Variants in PKN2 observed in about 807,000 individuals in gnomAD.
The protein encoded by PKN2 is serine/threonine-protein kinase N2.
Under a neutral mutation model 119.1 loss-of-function variants are expected in PKN2, and 38 were observed. The observed-to-expected ratio is 0.32, with a 90% CI of 0.25 to 0.42. The LOEUF is 0.42. Ranked by LOEUF, PKN2 falls within the 10% of genes least tolerant of loss-of-function variation. The probability of loss-of-function intolerance (pLI) is 1.00; values close to 1 mark genes in which losing one functional copy is unlikely to be tolerated. For synonymous variants in PKN2, 390 were observed against 384.9 expected (o/e 1.01, Z -0.15); for missense variants, 850 against 1,165.1 (o/e 0.73, Z 3.94).
At chr1:88,734,579 T>G (rs1049249579) in intron 1 of PKN2, among the ~76,000 whole-genome samples, 1 of 152,212 alleles carries the variant, frequency 6.6e-6, no homozygotes, top group African/African-American at 2.4e-5. Flanking sequence ...AGTAGCATGC[T>G]ATTTTGATTA....
intron 2 of PKN2, among the ~76,000 whole-genome samples, chr1:88,743,312 C>T (rs919022161): frequency 1.3e-5 from 2 of 152,200 alleles, no homozygotes; most frequent in Admixed American, 1.3e-4. Context: ...TACAATCGAT[C>T]TAGAACATTT....
chr1:88,775,671 CT>C (rs969606905), intron 6 of PKN2, among the ~76,000 whole-genome samples: 2 of 152,146 alleles, frequency 1.3e-5, no homozygotes, highest in African/African-American at 4.8e-5. Context: ...ACAAAAAACT[CT>C]TTGACTGTGC....
intron 12 of PKN2, chr1:88,806,356 G>T (rs1444730029): frequency 1.5e-5 from 4 of 273,720 alleles, no homozygotes; most frequent in Non-Finnish European, 2.8e-5. Context: ...TTTCAGTAGA[G>T]ATGGGATTTC....
In PKN2 at chr1:88,833,927, G is replaced by C. The variant is rs1226322050; in HGVS notation, c.*479G>C. The C allele has an allele frequency of 6.6e-6, 1 of 151,192 alleles. No individual in the cohort carries two copies. Among genetic ancestry groups the C allele is most frequent in the African/African-American group, 2.5e-5 (1 of 40,796 alleles). 9.4% of individuals were successfully genotyped at this position (151,192 alleles called of 1,614,324 possible). A position where few individuals can be genotyped will look rare whatever the true frequency, so the allele number is the denominator to read the frequency against. On this transcript the variant is annotated 3_prime_UTR_variant, in exon 22 of 22. Transcript: ENST00000370521. The stretch of plus-strand genomic sequence containing the variant: ...AAATGCTCCTTTTTTTAAAAAAAAA[G>C]ACATTACTGTAATATCAAAAACCGT...
chr1:88,778,157 A>G (rs1670182441), intron 6 of PKN2, among the ~76,000 whole-genome samples: 1 of 152,198 alleles, frequency 6.6e-6, no homozygotes. Context: ...CCTAAAATGT[A>G]CAAAACCAAG....
At chr1:88,791,252 A>G (rs1670824175) in intron 8 of PKN2, among the ~76,000 whole-genome samples, 1 of 152,162 alleles carries the variant, frequency 6.6e-6, no homozygotes, top group Non-Finnish European at 1.5e-5. Context: ...CCTGACCAAC[A>G]TGATGAAACC....
Position 88,771,407 on chromosome 1 carries a change from T to G in PKN2, c.623-14T>G. 6.4e-7 allele frequency: 1 copy of G among 1,569,744 alleles called. No individual in the cohort carries two copies. The highest frequency in any genetic ancestry group is 8.6e-7 in the Non-Finnish European group (1 of 1,165,796). On this transcript the variant is annotated splice_polypyrimidine_tract_variant and intron_variant, in intron 4 of 21. Transcript: ENST00000370521. ...AGATAAATGGTGCAATTAAAATTTT[T>G]TTTTCCTTTCTAGCAAAACCTGTGA...
intron 6 of PKN2, among the ~76,000 whole-genome samples, chr1:88,774,972 G>A (rs1215073146): frequency 6.6e-6 from 1 of 152,166 alleles, no homozygotes; most frequent in Non-Finnish European, 1.5e-5. Context: ...GACTTCCAAA[G>A]TGTTGGGATT....
rs533984152 is a variant in PKN2, at chr1:88,732,658, A to G, written c.49-8330A>G. Among the ~76,000 whole-genome samples the G allele has an allele frequency of 4.7e-4, 72 of 152,316 alleles. No homozygotes were observed. In the South Asian group the frequency reaches 7.0e-3, roughly 15 times the overall value. ...TTAAAATTATTGAATTGACCATTCT[A>G]TATAACAAAAATTTCTAATTATTAT... On this transcript the variant is annotated intron_variant, in intron 1 of 21. Coordinates refer to ENST00000370521, the MANE Select transcript of PKN2 (RefSeq NM_006256.4).
chr1:88,729,955 G>T (rs1357622733), intron 1 of PKN2, among the ~76,000 whole-genome samples: 1 of 152,156 alleles, frequency 6.6e-6, no homozygotes, highest in East Asian at 1.9e-4. Flanking sequence ...CACGAGATCA[G>T]GAGAGCGAGA....
In PKN2 at chr1:88,805,507, T is replaced by C; in HGVS notation, c.1512T>C (p.Phe504=). 6.2e-7 allele frequency: 1 copy of C among 1,602,244 alleles called. No homozygotes were observed. Among genetic ancestry groups the C allele is most frequent in the Non-Finnish European group, 8.5e-7 (1 of 1,171,436 alleles). Residue 504 remains phenylalanine, a synonymous_variant, in exon 11 of 22, where the codon TTT becomes TTC. Coordinates refer to ENST00000370521, the MANE Select transcript of PKN2 (RefSeq NM_006256.4). ...KIFSKQQGKT[F]LRAPQMNINI... ...TTTCAACATCTACAGGCAAAACATT[T>C]CTCAGAGCTCCTCAAATGAATATTA...
At chr1:88,696,164 C>A (rs1351212856) in intron 1 of PKN2, among the ~76,000 whole-genome samples, 1 of 152,174 alleles carries the variant, frequency 6.6e-6, no homozygotes, top group Non-Finnish European at 1.5e-5. Flanking sequence ...TCCTTTTCTA[C>A]CTTAAATGTT....
intron 5 of PKN2, 31 bp from the exon 6 acceptor site, chr1:88,771,632 A>G: frequency 6.3e-7 from 1 of 1,597,908 alleles, no homozygotes; most frequent in Non-Finnish European, 8.6e-7. Context: ...TGATTATTTA[A>G]ATGACAACAA....
chr1:88,817,402 C>G (rs1348487698), intron 16 of PKN2, among the ~76,000 whole-genome samples: 16 of 142,012 alleles, frequency 1.1e-4, no homozygotes, highest in Non-Finnish European at 2.3e-4. Flanking sequence ...GAGCAAGACT[C>G]TGTCTCAAAA....
At chr1:88,782,380 C>A (rs539929665) in intron 6 of PKN2, among the ~76,000 whole-genome samples, 1 of 151,770 alleles carries the variant, frequency 6.6e-6, no homozygotes, top group African/African-American at 2.4e-5. Flanking sequence ...GAATTCATGG[C>A]CTTTTTTTTT....
intron 2 of PKN2, among the ~76,000 whole-genome samples, chr1:88,748,175 C>T (rs935657602): frequency 2.0e-4 from 31 of 152,108 alleles, no homozygotes; most frequent in Admixed American, 7.2e-4. Context: ...ATGAATTCAT[C>T]TAACTGCCAC....
intron 8 of PKN2, among the ~76,000 whole-genome samples, chr1:88,800,538 T>C (rs1671261745): frequency 6.6e-6 from 1 of 152,164 alleles, no homozygotes; most frequent in African/African-American, 2.4e-5. Context: ...ATATGGAATA[T>C]TCTAATGTTG....
At chr1:88,789,788 T>C (rs1470482832) in intron 8 of PKN2, among the ~76,000 whole-genome samples, 2 of 152,000 alleles carry the variant, frequency 1.3e-5, no homozygotes, top group Non-Finnish European at 2.9e-5. Context: ...TGAAAGAAGA[T>C]TGGAATTTAA....
intron 8 of PKN2, among the ~76,000 whole-genome samples, chr1:88,791,429 C>CA (rs1215928678): frequency 0.05 from 4,209 of 83,832 alleles, 153 homozygotes; most frequent in African/African-American, 0.15. Flanking sequence ...AACTCTGTCT[C>CA]AAAAAAAAAA....
Sources: gnomAD v4.1 joint callset for allele counts (sites outside exome capture counted in the v4.1 genomes callset) on GRCh38, gnomAD v4.1.1 for gene constraint, MANE v1.5 for transcripts, NCBI Gene and HGNC (gene_info 2026-07-23, HGNC 2026-07-21) for gene names.